Variants in ELOVL7 observed in about 807,000 individuals in gnomAD.
ELOVL7 encodes the protein very long chain fatty acid elongase 7.
In ELOVL7, 27 loss-of-function variants were observed where a neutral mutation model predicts 35.7. That is an observed-to-expected ratio of 0.76 (90% confidence interval 0.56 to 1.04). ELOVL7 has a LOEUF of 1.04. Among genes scored for constraint, ELOVL7 ranks in the 50% least tolerant of loss-of-function variants. ELOVL7 has a pLI of 0.00. For synonymous variants in ELOVL7, 113 were observed against 114.6 expected (o/e 0.99, Z 0.09); for missense variants, 327 against 340.8 (o/e 0.96, Z 0.32).
At chr5:60,810,810 G>A (rs779931100) in intron 1 of ELOVL7, among the ~76,000 whole-genome samples, 3 of 152,154 alleles carry the variant, frequency 2.0e-5, no homozygotes, top group African/African-American at 4.8e-5. Flanking sequence ...TAGGGTGGAA[G>A]GGCTTCTTAA....
intron 1 of ELOVL7, among the ~76,000 whole-genome samples, chr5:60,843,126 T>C (rs1020934613): frequency 3.9e-5 from 6 of 152,108 alleles, no homozygotes; most frequent in Non-Finnish European, 8.8e-5. Context: ...TAAGTGAACA[T>C]GCTTTCCGAG....
intron 1 of ELOVL7, among the ~76,000 whole-genome samples, chr5:60,842,797 G>A (rs1747254682): frequency 6.6e-6 from 1 of 152,158 alleles, no homozygotes; most frequent in Admixed American, 6.5e-5. Flanking sequence ...TCATTAAAAT[G>A]AGAATAATAT....
chr5:60,829,653 T>C (rs954238109), intron 1 of ELOVL7, among the ~76,000 whole-genome samples: 4 of 152,140 alleles, frequency 2.6e-5, no homozygotes, highest in African/African-American at 9.7e-5. Context: ...AGAAGATAAT[T>C]CTGGAATGAT....
intron 1 of ELOVL7, among the ~76,000 whole-genome samples, chr5:60,808,706 A>T (rs971906759): frequency 1.3e-5 from 2 of 152,202 alleles, no homozygotes; most frequent in African/African-American, 4.8e-5. Flanking sequence ...AGTCACCCAA[A>T]ATAATAAACA....
chr5:60,788,521 T>C (rs1292185155), intron 2 of ELOVL7, among the ~76,000 whole-genome samples: 1 of 152,134 alleles, frequency 6.6e-6, no homozygotes, highest in Non-Finnish European at 1.5e-5. Flanking sequence ...ACACCTGTAA[T>C]CCCAGCACTT....
intron 1 of ELOVL7, among the ~76,000 whole-genome samples, chr5:60,828,688 T>C (rs1266466276): frequency 3.3e-5 from 5 of 152,208 alleles, no homozygotes. Context: ...AGCAAAGTTA[T>C]TAAAATATAA....
At chr5:60,782,070 C>T (rs1410769937) in intron 3 of ELOVL7, among the ~76,000 whole-genome samples, 1 of 152,136 alleles carries the variant, frequency 6.6e-6, no homozygotes, top group Non-Finnish European at 1.5e-5. Flanking sequence ...TTCTATGCAT[C>T]CATTTTTTTA....
intron 1 of ELOVL7, among the ~76,000 whole-genome samples, chr5:60,816,920 G>T (rs1745548543): frequency 6.6e-6 from 1 of 152,138 alleles, no homozygotes; most frequent in Non-Finnish European, 1.5e-5. Flanking sequence ...GGGGAAAACT[G>T]AATGAAAATT....
At chr5:60,769,434 C>T (rs911666002) in intron 4 of ELOVL7, among the ~76,000 whole-genome samples, 2 of 152,228 alleles carry the variant, frequency 1.3e-5, no homozygotes, top group African/African-American at 4.8e-5. Flanking sequence ...TAAGTGGTCT[C>T]TGCTAGTGTC....
At chr5:60,832,221 G>T (rs560096773) in intron 1 of ELOVL7, among the ~76,000 whole-genome samples, 14 of 152,286 alleles carry the variant, frequency 9.2e-5, no homozygotes, top group Non-Finnish European at 2.9e-5. Flanking sequence ...CTCTAAAAGT[G>T]AATTTAGAGC....
intron 2 of ELOVL7, among the ~76,000 whole-genome samples, chr5:60,794,555 C>T (rs1744131885): frequency 6.6e-6 from 1 of 152,226 alleles, no homozygotes; most frequent in Non-Finnish European, 1.5e-5. Context: ...CATGGCCAAC[C>T]ATTTCCAGGT....
intron 1 of ELOVL7, among the ~76,000 whole-genome samples, chr5:60,818,964 T>C (rs1323004337): frequency 2.1e-5 from 3 of 146,008 alleles, no homozygotes; most frequent in African/African-American, 5.1e-5. Context: ...GGATGAGATA[T>C]TGTGCCACTG....
chr5:60,818,989 C>A (rs1436365343), intron 1 of ELOVL7, among the ~76,000 whole-genome samples: 1 of 135,034 alleles, frequency 7.4e-6, no homozygotes, highest in Non-Finnish European at 1.6e-5. Flanking sequence ...CCAGCCTGGG[C>A]AACAGGGAGA....
chr5:60,771,881 T>G (rs746383912), intron 4 of ELOVL7, 22 bp downstream of exon 4: 1 of 1,521,854 alleles, frequency 6.6e-7, no homozygotes, highest in Non-Finnish European at 8.9e-7. Context: ...ATTCTCCCAT[T>G]AGGAATACTG....
At chr5:60,832,774 G>A (rs912604126) in intron 1 of ELOVL7, among the ~76,000 whole-genome samples, 3 of 152,138 alleles carry the variant, frequency 2.0e-5, no homozygotes, top group Non-Finnish European at 2.9e-5. Context: ...AGATACTCAG[G>A]CAGTCACCTA....
intron 8 of ELOVL7, among the ~76,000 whole-genome samples, chr5:60,755,289 A>C (rs1372037486): frequency 6.6e-6 from 1 of 152,124 alleles, no homozygotes; most frequent in Non-Finnish European, 1.5e-5. Context: ...TTTTACTTAG[A>C]GCCCCTGGAA....
At chr5:60,813,651 T>C (rs944827354) in intron 1 of ELOVL7, among the ~76,000 whole-genome samples, 42 of 152,148 alleles carry the variant, frequency 2.8e-4, no homozygotes, top group African/African-American at 9.7e-4. Flanking sequence ...ATCAATTTTT[T>C]TTTTTCAGTT....
chr5:60,798,460 G>A (rs1427188754), intron 2 of ELOVL7, among the ~76,000 whole-genome samples: 1 of 152,146 alleles, frequency 6.6e-6, no homozygotes, highest in Non-Finnish European at 1.5e-5. Context: ...AACTTGCTGA[G>A]GGTGGAGGGG....
In ELOVL7 at chr5:60,824,131, T is replaced by C. The variant is rs551307809; in HGVS notation, c.-86+20029A>G. 2.2e-3 allele frequency among the ~76,000 whole-genome samples: 328 copies of C among 152,172 alleles called. 1 individual carries two copies. The highest frequency in any genetic ancestry group is 3.1e-3 in the Non-Finnish European group (211 of 68,012). ...GTGCAGAGGATTACTGTAGGATTAA[T>C]TTGGAATTAGGGCTTTGCCAGGTAA... is the stretch of plus-strand genomic sequence containing the variant. On this transcript the variant is annotated intron_variant, in intron 1 of 8. Coordinates refer to ENST00000508821, the MANE Select transcript of ELOVL7 (RefSeq NM_024930.3).
Sources: gnomAD v4.1 joint callset for allele counts (sites outside exome capture counted in the v4.1 genomes callset) on GRCh38, gnomAD v4.1.1 for gene constraint, MANE v1.5 for transcripts, NCBI Gene and HGNC (gene_info 2026-07-23, HGNC 2026-07-21) for gene names.